The following PCDHA4 variants were observed in gnomAD, a reference collection of about 807,000 sequenced individuals.
PCDHA4 encodes protocadherin alpha 4.
PCDHA4 carries 49 observed loss-of-function variants against 61.4 expected under a neutral mutation model. The observed-to-expected ratio is 0.80, with a 90% confidence interval of 0.63 to 1.01. The LOEUF (loss-of-function observed/expected upper bound fraction) is 1.01, where lower values mean the gene tolerates loss of function less well. Among genes scored for constraint, PCDHA4 ranks in the 50% least tolerant of loss-of-function variants. PCDHA4 has a pLI of 0.00. For missense variants in PCDHA4, 1,254 were observed against 1,235.8 expected, an observed-to-expected ratio of 1.01 and a Z score of -0.22; for synonymous variants, 590 against 550.3, an observed-to-expected ratio of 1.07 and a Z score of -1.01.
rs1554202548 is a variant in PCDHA4, at chr5:140,925,108, G to GGAA, written c.2386-53840_2386-53839insAAG. 5.0e-3 allele frequency among the ~76,000 whole-genome samples: 619 copies of GGAA among 124,770 alleles called. 3 individuals are homozygous for GGAA. Among genetic ancestry groups the GGAA allele is most frequent in the African/African-American group, 0.02 (595 of 30,200 alleles). The allele number at this position is 124,770 out of a possible 152,430, so 81.9% of individuals were successfully genotyped here. ...AAGGAAGGAAGGAAGGAAGGAAGGA[G>GGAA]GGAAGGAAGGAAGGAAAAAAAATTT... is the stretch of plus-strand genomic sequence containing the variant. On this transcript the variant is annotated intron_variant, in intron 1 of 3. Coordinates refer to ENST00000530339, the MANE Select transcript of PCDHA4 (RefSeq NM_018907.4).
intron 1 of PCDHA4, chr5:140,868,151 C>A (rs1421051830): frequency 6.6e-6 from 1 of 151,990 alleles, no homozygotes. Flanking sequence ...GATTCTGTTA[C>A]ATAAAGTGCT....
At chr5:140,972,660 ATTTTT>A (rs11350929) in intron 1 of PCDHA4, among the ~76,000 whole-genome samples, 2 of 117,266 alleles carry the variant, frequency 1.7e-5, no homozygotes, top group African/African-American at 3.3e-5. Flanking sequence ...AAGAAACCAA[ATTTTT>A]TTTTTTTTTT....
chr5:140,946,611 AATATAT>A (rs1554217734), intron 1 of PCDHA4, among the ~76,000 whole-genome samples: 5 of 86,812 alleles, frequency 5.8e-5, no homozygotes, highest in African/African-American at 2.5e-4. Context: ...GAAAATGTGA[AATATAT>A]ATATATATAT....
At chr5:140,981,017 G>T (rs782757397) in intron 2 of PCDHA4, among the ~76,000 whole-genome samples, 42 of 152,076 alleles carry the variant, frequency 2.8e-4, no homozygotes, top group Non-Finnish European at 5.3e-4. Flanking sequence ...ACACTTGAAG[G>T]CTGTTAATAT....
intron 1 of PCDHA4, among the ~76,000 whole-genome samples, chr5:140,910,845 G>C (rs1448971238): frequency 6.6e-6 from 1 of 152,090 alleles, no homozygotes; most frequent in Non-Finnish European, 1.5e-5. Context: ...CAATGCCTTG[G>C]ATCTATGTTC....
intron 1 of PCDHA4, chr5:140,856,336 G>A (rs782523397): frequency 1.9e-6 from 3 of 1,598,624 alleles, no homozygotes; most frequent in East Asian, 2.2e-5. Context: ...AGCTGTGCGG[G>A]CGGAGCGTGG....
At chr5:140,828,744 G>T (rs1769918189) in intron 1 of PCDHA4, 30 of 1,614,110 alleles carry the variant, frequency 1.9e-5, no homozygotes, top group Non-Finnish European at 2.5e-5. Context: ...ACAGATGGGG[G>T]CAAACCTGAG....
Position 140,807,742 on chromosome 5 carries a change from T to A in PCDHA4, c.555T>A (p.Asp185Glu), listed in dbSNP as rs1554124240. 13 of 1,614,190 alleles carry A rather than the reference T, an allele frequency of 8.1e-6. No individual in the cohort carries two copies. Among genetic ancestry groups the A allele is most frequent in the Non-Finnish European group, 1.0e-5 (12 of 1,180,032 alleles). Residue 185 changes from aspartate to glutamate, a missense_variant, in exon 1 of 4, where the codon GAT becomes GAA. Transcript: ENST00000530339. ...NEYFSLEKPPDDELVKGLGLI... is the reference protein window; with the variant it reads ...NEYFSLEKPPEDELVKGLGLI... Reference sequence around the variant, plus strand: ...ACTTTTCTCTGGAAAAACCACCTGATGACGAGCTGGTAAAAGGTCTTGGGC... The same window carrying A: ...ACTTTTCTCTGGAAAAACCACCTGAAGACGAGCTGGTAAAAGGTCTTGGGC...
At position 140,882,067 on chromosome 5, in the gene PCDHA4, G is replaced by A. The variant is rs1031145324; in HGVS notation, c.2385+72495G>A. 7.1e-6 allele frequency: 6 copies of A among 848,700 alleles called. No individual in the cohort carries two copies. The East Asian group carries it at 8.0e-5, about 11-fold the overall frequency. 52.6% of individuals were successfully genotyped at this position (848,700 alleles called of 1,614,324 possible). A position where few individuals can be genotyped will look rare whatever the true frequency, so the allele number is the denominator to read the frequency against. ...GTCATACTTACACTTACACGTTCATGCGCATGGTGTCGCTCTTCACTGAGA... is the reference window on the plus strand; with the variant it reads ...GTCATACTTACACTTACACGTTCATACGCATGGTGTCGCTCTTCACTGAGA... On this transcript the variant is annotated intron_variant, in intron 1 of 3. Transcript: ENST00000530339.
At chr5:140,889,347 T>A (rs531486529) in intron 1 of PCDHA4, among the ~76,000 whole-genome samples, 1 of 152,202 alleles carries the variant, frequency 6.6e-6, no homozygotes, top group South Asian at 2.1e-4. Context: ...GTGGGAATAT[T>A]TCTGATTACT....
chr5:140,991,924 A>T (rs1028386420), intron 3 of PCDHA4, among the ~76,000 whole-genome samples: 1 of 152,140 alleles, frequency 6.6e-6, no homozygotes, highest in Non-Finnish European at 1.5e-5. Context: ...GTAACATAAC[A>T]TATTCACAAG....
intron 1 of PCDHA4, chr5:140,835,300 G>A (rs2150233515): frequency 6.2e-7 from 1 of 1,612,674 alleles, no homozygotes; most frequent in Non-Finnish European, 8.5e-7. Flanking sequence ...ACAGTGATAG[G>A]ACATATGGAT....
chr5:140,941,202 C>CCTTCCTTTCTTTCTTTCTTT lies in PCDHA4; in HGVS notation c.2386-37744_2386-37743insCCTTTCTTTCTTTCTTTCTT, dbSNP rs1554213920. 2.0e-4 allele frequency among the ~76,000 whole-genome samples: 24 copies of CCTTCCTTTCTTTCTTTCTTT among 122,828 alleles called. 1 individual carries two copies. Among genetic ancestry groups the CCTTCCTTTCTTTCTTTCTTT allele is most frequent in the Non-Finnish European group, 2.3e-4 (13 of 55,838 alleles). The allele number at this position is 122,828 out of a possible 152,430, so 80.6% of individuals were successfully genotyped here. A position where few individuals can be genotyped will look rare whatever the true frequency, so the allele number is the denominator to read the frequency against. ...TCCTGCTTCTTTTTTTTTCTTTCTTCCTTTCTTTCTTCCTTTCTTTCTTTC... is the reference window on the plus strand; with the variant it reads ...TCCTGCTTCTTTTTTTTTCTTTCTTCCTTCCTTTCTTTCTTTCTTTCTTTCTTTCTTCCTTTCTTTCTTTC... On this transcript the variant is annotated intron_variant, in intron 1 of 3. Coordinates refer to ENST00000530339, the MANE Select transcript of PCDHA4 (RefSeq NM_018907.4).
rs782766953 is a variant in PCDHA4 at position 140,875,544 on chromosome 5, G to C, written c.2385+65972G>C. On this transcript the variant is annotated intron_variant, in intron 1 of 3. Coordinates refer to ENST00000530339, the MANE Select transcript of PCDHA4 (RefSeq NM_018907.4). ...TCTCGCTTCTGCTCCTTGCAGCCTG[G>C]GAGGTGGGGAGCGGCCAGCTCCACT... 9.0e-5 allele frequency: 146 copies of C among 1,614,052 alleles called. No homozygotes were observed. The East Asian group carries it at 3.2e-3, about 36-fold the overall frequency.
chr5:140,813,367 A>G (rs1267239174), intron 1 of PCDHA4: 1 of 152,212 alleles, frequency 6.6e-6, no homozygotes, highest in Non-Finnish European at 1.5e-5. Context: ...CCTACTACAG[A>G]CCTAGGTTAC....
At chr5:140,818,692 G>A (rs1485598077) in intron 1 of PCDHA4, among the ~76,000 whole-genome samples, 2 of 152,182 alleles carry the variant, frequency 1.3e-5, no homozygotes, top group African/African-American at 2.4e-5. Context: ...AAAAAAATTA[G>A]CTAGATGTGG....
At chr5:140,888,198 G>A (rs1031899783) in intron 1 of PCDHA4, among the ~76,000 whole-genome samples, 2 of 152,044 alleles carry the variant, frequency 1.3e-5, no homozygotes, top group Admixed American at 6.6e-5. Flanking sequence ...TTACATTGTC[G>A]GATGCTGGAT....
chr5:141,009,178 G>A (rs1233603015), intron 3 of PCDHA4, among the ~76,000 whole-genome samples: 1 of 152,212 alleles, frequency 6.6e-6, no homozygotes, highest in African/African-American at 2.4e-5. Context: ...GCCTTGGCTG[G>A]GTGTGGTAGC....
intron 1 of PCDHA4, chr5:140,927,924 T>C: frequency 1.2e-6 from 2 of 1,614,204 alleles, no homozygotes; most frequent in Non-Finnish European, 1.7e-6. Context: ...ACTTCCTGAC[T>C]CTTTCGAACC....
Sources: gnomAD v4.1 joint callset for allele counts (sites outside exome capture counted in the v4.1 genomes callset) on GRCh38, gnomAD v4.1.1 for gene constraint, MANE v1.5 for transcripts, NCBI Gene and HGNC (gene_info 2026-07-23, HGNC 2026-07-21) for gene names.